Variants in BRINP1 observed in about 807,000 individuals in gnomAD.
The protein encoded by BRINP1 is BMP/retinoic acid inducible neural specific 1, also known as BMP/retinoic acid-inducible neural-specific protein 1.
Under a neutral mutation model 72.9 loss-of-function variants are expected in BRINP1, and 17 were observed. The ratio of observed to expected loss-of-function variants is 0.23; its 90% CI spans 0.16 to 0.35. The LOEUF (loss-of-function observed/expected upper bound fraction) is 0.35, where lower values mean the gene tolerates loss of function less well. BRINP1 is among the 10% of genes least tolerant of loss of function. The pLI, the probability that BRINP1 is intolerant of heterozygous loss-of-function variation, is 1.00. For missense variants in BRINP1, 850 were observed against 1,001.6 expected (o/e 0.85, Z 2.04); for synonymous variants, 418 against 378.5 (o/e 1.10, Z -1.21).
chr9:119,221,223 T>C (rs1300127262), intron 5 of BRINP1, among the ~76,000 whole-genome samples: 1 of 152,116 alleles, frequency 6.6e-6, no homozygotes, highest in Non-Finnish European at 1.5e-5. Context: ...TAAGTTCTGC[T>C]TGTCAAATTC....
At chr9:119,295,604 G>A (rs1396569873) in intron 2 of BRINP1, among the ~76,000 whole-genome samples, 1 of 152,166 alleles carries the variant, frequency 6.6e-6, no homozygotes, top group African/African-American at 2.4e-5. Context: ...ACAGTGTGTT[G>A]TTGACTGAAA....
In BRINP1 at chr9:119,208,838, G is replaced by A. The variant is rs1463907076; in HGVS notation, c.1026C>T (p.Tyr342=). Reference sequence around the variant, plus strand: ...CCTCCGTGGCACTCTGCAGGAGCTTGTAGCGGTTCTGCAGGTCCCAGTCAT... The same window carrying A: ...CCTCCGTGGCACTCTGCAGGAGCTTATAGCGGTTCTGCAGGTCCCAGTCAT... ...WGNDWDLQNR[Y]KLLQSATEAQ... is the part of the protein sequence containing the mutation. The change falls in exon 7 of 8, where the codon TAC becomes TAT. Residue 342 remains tyrosine (Y), a synonymous_variant. Coordinates refer to ENST00000265922, the MANE Select transcript of BRINP1 (RefSeq NM_014618.3). The A allele has an allele frequency of 1.2e-6, 2 of 1,614,026 alleles. No individual in the cohort carries two copies. The highest frequency in any genetic ancestry group is 1.7e-5 in the Admixed American group (1 of 60,002).
At chr9:119,290,660 G>A (rs546238372) in intron 2 of BRINP1, among the ~76,000 whole-genome samples, 1 of 152,252 alleles carries the variant, frequency 6.6e-6, no homozygotes, top group South Asian at 2.1e-4. Context: ...TGGAAGAGGA[G>A]GGAGCAAGTG....
intron 2 of BRINP1, among the ~76,000 whole-genome samples, chr9:119,305,410 A>T (rs1363252373): frequency 6.6e-6 from 1 of 152,208 alleles, no homozygotes; most frequent in Non-Finnish European, 1.5e-5. Context: ...TCCATGTGCT[A>T]TCTCAAATTT....
chr9:119,270,308 T>G (rs1310996063), intron 2 of BRINP1, among the ~76,000 whole-genome samples: 1 of 152,228 alleles, frequency 6.6e-6, no homozygotes, highest in Non-Finnish European at 1.5e-5. Context: ...GGCATTTAGT[T>G]AAATGAGTCA....
intron 2 of BRINP1, among the ~76,000 whole-genome samples, chr9:119,272,469 A>G (rs1303669979): frequency 6.6e-6 from 1 of 152,142 alleles, no homozygotes; most frequent in African/African-American, 2.4e-5. Context: ...AAAGTAAGAG[A>G]GACTAAAGCT....
At chr9:119,308,370 G>A (rs952410492) in intron 2 of BRINP1, among the ~76,000 whole-genome samples, 1 of 152,144 alleles carries the variant, frequency 6.6e-6, no homozygotes, top group African/African-American at 2.4e-5. Flanking sequence ...CCTGGAGTGG[G>A]GCAAGGGTGG....
intron 1 of BRINP1, among the ~76,000 whole-genome samples, chr9:119,327,657 GA>G (rs1247116333): frequency 1.3e-5 from 2 of 152,006 alleles, no homozygotes; most frequent in Admixed American, 1.3e-4. Context: ...TAGATGGAAA[GA>G]AAAAAATGAG....
intron 3 of BRINP1, among the ~76,000 whole-genome samples, chr9:119,244,483 G>A (rs570755187): frequency 2.6e-4 from 39 of 152,298 alleles, no homozygotes; most frequent in African/African-American, 9.4e-4. Flanking sequence ...TAGATAGATA[G>A]ATAGATGAGT....
intron 1 of BRINP1, among the ~76,000 whole-genome samples, chr9:119,328,426 G>C (rs542020328): frequency 1.3e-5 from 2 of 152,188 alleles, no homozygotes; most frequent in Non-Finnish European, 2.9e-5. Context: ...CCCTACCAGA[G>C]AGGGAAGCCA....
chr9:119,365,967 A>C (rs1831686672), intron 1 of BRINP1, among the ~76,000 whole-genome samples: 1 of 152,164 alleles, frequency 6.6e-6, no homozygotes, highest in Non-Finnish European at 1.5e-5. Context: ...ACAGGCATCT[A>C]GAAGTCTAAG....
chr9:119,191,720 A>G (rs1366749715), intron 7 of BRINP1, among the ~76,000 whole-genome samples: 1 of 151,888 alleles, frequency 6.6e-6, no homozygotes, highest in Non-Finnish European at 1.5e-5. Flanking sequence ...CAATCCGTAT[A>G]AAAATGTCGA....
At chr9:119,245,762 G>A (rs1830309603) in intron 3 of BRINP1, among the ~76,000 whole-genome samples, 1 of 152,108 alleles carries the variant, frequency 6.6e-6, no homozygotes, top group African/African-American at 2.4e-5. Flanking sequence ...TTATCCCCTT[G>A]TGAACTTACC....
intron 1 of BRINP1, among the ~76,000 whole-genome samples, chr9:119,349,433 G>A (rs904709330): frequency 1.3e-5 from 2 of 152,178 alleles, no homozygotes; most frequent in Non-Finnish European, 2.9e-5. Context: ...TTCAGCTCTT[G>A]GAGAGAAGCC....
intron 7 of BRINP1, among the ~76,000 whole-genome samples, chr9:119,198,157 A>T (rs2118859118): frequency 6.6e-6 from 1 of 152,372 alleles, no homozygotes; most frequent in African/African-American, 2.4e-5. Flanking sequence ...GCTGGCCAAG[A>T]AATGTGCATT....
chr9:119,249,283 G>A, intron 2 of BRINP1, 133 bp from the exon 3 acceptor site: 1 of 752,176 alleles, frequency 1.3e-6, no homozygotes, highest in African/African-American at 1.8e-5. Flanking sequence ...GTCAAGTGAT[G>A]CTTTGATCTG....
intron 7 of BRINP1, among the ~76,000 whole-genome samples, chr9:119,187,029 T>C (rs12551016): frequency 0.079 from 12,010 of 151,986 alleles, 740 homozygotes; most frequent in Admixed American, 0.18. Flanking sequence ...CCGGGAGCCA[T>C]ACCAGTGCAG....
chr9:119,213,646 A>T, intron 6 of BRINP1: 1 of 577,990 alleles, frequency 1.7e-6, no homozygotes, highest in East Asian at 2.8e-5. Context: ...GAGGCTTCCT[A>T]TGCAGATTTA....
chr9:119,186,716 C>T (rs1829624575), intron 7 of BRINP1, among the ~76,000 whole-genome samples: 1 of 152,142 alleles, frequency 6.6e-6, no homozygotes, highest in African/African-American at 2.4e-5. Flanking sequence ...TGGACCAGCC[C>T]TCTGAAGTAT....
Sources: gnomAD v4.1 joint callset for allele counts (sites outside exome capture counted in the v4.1 genomes callset) on GRCh38, gnomAD v4.1.1 for gene constraint, MANE v1.5 for transcripts, NCBI Gene and HGNC (gene_info 2026-07-23, HGNC 2026-07-21) for gene names.